EYA1: variants seen among roughly 807,000 people sequenced by gnomAD.
EYA1 encodes the protein EYA transcriptional coactivator and phosphatase 1.
A neutral mutation model predicts 82.0 loss-of-function variants in EYA1; 16 were observed. That is an observed-to-expected ratio of 0.20 (90% CI 0.13 to 0.30). The LOEUF (loss-of-function observed/expected upper bound fraction) is 0.30, where lower values mean the gene tolerates loss of function less well. EYA1 is among the 10% of genes least tolerant of loss of function. EYA1 has a pLI of 1.00. For synonymous variants in EYA1, 261 were observed against 264.4 expected, an observed-to-expected ratio of 0.99 and a Z score of 0.12; for missense variants, 633 against 730.7, an observed-to-expected ratio of 0.87 and a Z score of 1.54.
intron 2 of EYA1, among the ~76,000 whole-genome samples, chr8:71,523,172 TCTTTTTC>T (rs1813536828): frequency 4.7e-5 from 6 of 126,824 alleles, no homozygotes; most frequent in Non-Finnish European, 7.9e-5. Flanking sequence ...TTTTCTTTTT[TCTTTTTC>T]TTTTTTTTTT....
chr8:71,263,109 A>G (rs1292788566), intron 11 of EYA1, among the ~76,000 whole-genome samples: 2 of 152,106 alleles, frequency 1.3e-5, no homozygotes, highest in Admixed American at 1.3e-4. Context: ...ATAGTTGAGA[A>G]CTGGGCTGTG....
At chr8:71,312,117 A>G (rs1002399907) in intron 7 of EYA1, among the ~76,000 whole-genome samples, 1 of 152,200 alleles carries the variant, frequency 6.6e-6, no homozygotes, top group East Asian at 1.9e-4. Flanking sequence ...CTCAGAAATG[A>G]GTTTTCTAAG....
At chr8:71,535,641 A>G (rs1319109344) in intron 2 of EYA1, 2 of 823,600 alleles carry the variant, frequency 2.4e-6, no homozygotes, top group East Asian at 5.6e-5. Context: ...ACATTGGTAC[A>G]GAGCTTTTGA....
chr8:71,396,767 G>A (rs1171828039), intron 2 of EYA1, among the ~76,000 whole-genome samples: 1 of 152,214 alleles, frequency 6.6e-6, no homozygotes, highest in Admixed American at 6.5e-5. Flanking sequence ...ATATTCTGTT[G>A]ACTTGGGGTG....
chr8:71,542,292 C>G (rs1222130839), intron 1 of EYA1, among the ~76,000 whole-genome samples: 1 of 140,274 alleles, frequency 7.1e-6, no homozygotes, highest in African/African-American at 2.5e-5. Context: ...TCATTCAGCA[C>G]CCACTTACAA....
intron 12 of EYA1, among the ~76,000 whole-genome samples, chr8:71,240,171 T>A (rs987181843): frequency 6.6e-6 from 1 of 152,106 alleles, no homozygotes; most frequent in Non-Finnish European, 1.5e-5. Flanking sequence ...TCCTTTTACA[T>A]AATGCTATTA....
chr8:71,336,548 T>G (rs368671257), intron 3 of EYA1, among the ~76,000 whole-genome samples: 5 of 152,214 alleles, frequency 3.3e-5, no homozygotes, highest in Non-Finnish European at 7.3e-5. Context: ...ACCCCTAAAA[T>G]TGACACCAGC....
At chr8:71,416,099 G>A (rs1170609285) in intron 2 of EYA1, among the ~76,000 whole-genome samples, 1 of 152,202 alleles carries the variant, frequency 6.6e-6, no homozygotes, top group Non-Finnish European at 1.5e-5. Context: ...CAGGCTGACA[G>A]GCTACATTTG....
chr8:71,351,788 CTTCAGA>C (rs914523056), intron 3 of EYA1, among the ~76,000 whole-genome samples: 188 of 152,248 alleles, frequency 1.2e-3, no homozygotes, highest in African/African-American at 4.2e-3. Flanking sequence ...CTTGTTTGTT[CTTCAGA>C]TGAAGTTATG....
At chr8:71,321,368 A>G (rs1822524806) in intron 6 of EYA1, among the ~76,000 whole-genome samples, 1 of 152,242 alleles carries the variant, frequency 6.6e-6, no homozygotes, top group Non-Finnish European at 1.5e-5. Context: ...CATCTGATAA[A>G]TAGGAAATGA....
intron 1 of EYA1, 71 bp from the exon 2 acceptor site, chr8:71,356,582 G>A (rs1826903899): frequency 2.7e-6 from 4 of 1,505,142 alleles, no homozygotes; most frequent in Non-Finnish European, 2.7e-6. Flanking sequence ...ATTATACAGA[G>A]CACATGGCTG....
chr8:71,271,958 C>A, intron 9 of EYA1, 61 bp from the exon 10 acceptor site: 1 of 1,592,036 alleles, frequency 6.3e-7, no homozygotes, highest in Non-Finnish European at 8.6e-7. Flanking sequence ...CCAAGATTAG[C>A]CTTGTTTTAA....
intron 2 of EYA1, among the ~76,000 whole-genome samples, chr8:71,499,423 G>A (rs958079596): frequency 2.0e-5 from 3 of 152,134 alleles, no homozygotes; most frequent in African/African-American, 4.8e-5. Flanking sequence ...AGAAACTGAG[G>A]CACAGAGGTG....
chr8:71,317,884 A>G (rs1368306048), intron 6 of EYA1, among the ~76,000 whole-genome samples, 195 bp from the exon 7 acceptor site: 1 of 152,222 alleles, frequency 6.6e-6, no homozygotes, highest in Non-Finnish European at 1.5e-5. Flanking sequence ...ACAGATTTGA[A>G]TGTCTATTCA....
chr8:71,437,263 C>T (rs1170876537), intron 2 of EYA1, among the ~76,000 whole-genome samples: 1 of 151,702 alleles, frequency 6.6e-6, no homozygotes, highest in African/African-American at 2.4e-5. Flanking sequence ...TCGTTCTTGG[C>T]ACAATTTTTA....
intron 2 of EYA1, among the ~76,000 whole-genome samples, chr8:71,535,069 T>C (rs756599530): frequency 1.3e-5 from 2 of 151,420 alleles, no homozygotes; most frequent in Non-Finnish European, 3.0e-5. Context: ...CTTACTGAAA[T>C]ATGCTTTTTT....
Position 71,526,201 on chromosome 8 carries a change from G to C in EYA1, c.33+9543C>G, listed in dbSNP as rs1327353789. On this transcript the variant is annotated intron_variant, in intron 2 of 18. Transcript: ENST00000643681. The stretch of plus-strand genomic sequence containing the variant: ...TAGATTCTGCATAAAACAGGAGAAA[G>C]AAGAGTCATATTAATGTATATTACA... Among the ~76,000 whole-genome samples, 20 of 149,078 alleles carry C rather than the reference G, an allele frequency of 1.3e-4. No homozygotes were observed. The Admixed American group carries it at 1.3e-3, about 10-fold the overall frequency.
chr8:71,299,046 C>A lies in EYA1; in HGVS notation c.826+1G>T. On this transcript the variant is annotated splice_donor_variant, in intron 9 of 17. Coordinates refer to ENST00000340726, the MANE Select transcript of EYA1 (RefSeq NM_000503.6). LOFTEE classifies it high-confidence loss of function. ...AGGACTAATAATATTCACATAATTA[C>A]CTGCTGTGGGATCTGTAACTGCTTG... 6.2e-7 allele frequency: 1 copy of A among 1,613,378 alleles called. No homozygotes were observed. The highest frequency in any genetic ancestry group is 8.5e-7 in the Non-Finnish European group (1 of 1,179,370).
At chr8:71,468,653 ATGTATTGT>A (rs1267646942) in intron 2 of EYA1, among the ~76,000 whole-genome samples, 1 of 152,112 alleles carries the variant, frequency 6.6e-6, no homozygotes, top group Non-Finnish European at 1.5e-5. Context: ...TTTCTTAATG[ATGTATTGT>A]TGTTAGTGCT....
Sources: allele counts gnomAD v4.1 joint callset (sites outside exome capture counted in the v4.1 genomes callset), GRCh38; gene constraint gnomAD v4.1.1; transcripts MANE v1.5; gene names NCBI Gene and HGNC (gene_info 2026-07-23, HGNC 2026-07-21).